KIF5C: variants seen among roughly 807,000 people sequenced by gnomAD.
The protein encoded by KIF5C is kinesin heavy chain isoform 5C.
In KIF5C, 18 loss-of-function variants were observed where a neutral mutation model predicts 125.2. The observed-to-expected ratio is 0.14, with a 90% CI of 0.10 to 0.21. KIF5C has a LOEUF of 0.21. KIF5C is among the 10% of genes least tolerant of loss of function. The pLI is 1.00. For missense variants in KIF5C, 780 were observed against 1,183.8 expected, an observed-to-expected ratio of 0.66 and a Z score of 5.01; for synonymous variants, 405 against 434.0, an observed-to-expected ratio of 0.93 and a Z score of 0.83.
chr2:148,877,781 CT>C (rs1263535816), intron 1 of KIF5C: 22 of 148,738 alleles, frequency 1.5e-4, no homozygotes, highest in African/African-American at 5.4e-4. Flanking sequence ...TCCTCCTCTT[CT>C]TCTTCCAGAA....
chr2:148,983,859 G>C (rs1681303906), intron 15 of KIF5C, 93 bp downstream of exon 15: 1 of 1,346,588 alleles, frequency 7.4e-7, no homozygotes, highest in African/African-American at 1.5e-5. Context: ...GCTTAGCACT[G>C]TGCTTTGCAT....
Position 148,998,431 on chromosome 2 carries a change from G to A in KIF5C, c.2132G>A (p.Arg711Gln). The change falls in exon 19 of 26, where the codon CGG (arginine) becomes CAG (glutamine). Residue 711 changes from arginine to glutamine, a missense_variant. This residue lies in a region of KIF5C where 573 missense variants were observed against 742.6 expected (regional missense o/e 0.77). Coordinates refer to ENST00000435030, the MANE Select transcript of KIF5C (RefSeq NM_004522.3). Reference sequence around the variant, plus strand: ...CTGGAGCAGCAGATGGAGAGCCACCGGGAAGCTCACCAGAAGCAGCTGTCC... The same window carrying A: ...CTGGAGCAGCAGATGGAGAGCCACCAGGAAGCTCACCAGAAGCAGCTGTCC... ...KALEQQMESH[R>Q]EAHQKQLSRL... is the part of the protein sequence containing the mutation. The A allele has an allele frequency of 1.3e-6, 2 of 1,567,024 alleles. No homozygotes were observed. Among genetic ancestry groups the A allele is most frequent in the Non-Finnish European group, 1.7e-6 (2 of 1,155,714 alleles).
intron 10 of KIF5C, among the ~76,000 whole-genome samples, chr2:148,959,033 T>C (rs923572244): frequency 6.6e-6 from 1 of 152,124 alleles, no homozygotes; most frequent in Non-Finnish European, 1.5e-5. Flanking sequence ...TACTGTCCTA[T>C]ATTTTCTGTG....
At chr2:149,016,350 G>A (rs547938881) in intron 25 of KIF5C, among the ~76,000 whole-genome samples, 2 of 149,864 alleles carry the variant, frequency 1.3e-5, no homozygotes, top group East Asian at 2.0e-4. Flanking sequence ...AATGGGGTAA[G>A]CACTGGGGGT....
chr2:148,938,074 C>T (rs762095097), intron 4 of KIF5C, among the ~76,000 whole-genome samples: 7 of 152,144 alleles, frequency 4.6e-5, no homozygotes, highest in Non-Finnish European at 8.8e-5. Flanking sequence ...GATTTCTACT[C>T]TCTTACTGTA....
chr2:149,024,721 G>A lies in KIF5C; in HGVS notation c.*1651G>A, dbSNP rs1326160740. On this transcript the variant is annotated 3_prime_UTR_variant, in exon 26 of 26. Transcript: ENST00000435030. The stretch of plus-strand genomic sequence containing the variant: ...GGTGGGGAATAAGGAGAGAGAGGAC[G>A]ACAAATTCTATTGAAGTATTTATTT... The A allele has an allele frequency of 6.6e-6, 1 of 152,272 alleles. No homozygotes were observed. The highest frequency in any genetic ancestry group is 2.4e-5 in the African/African-American group (1 of 41,334). 9.4% of individuals were successfully genotyped at this position (152,272 alleles called of 1,614,324 possible).
intron 1 of KIF5C, among the ~76,000 whole-genome samples, chr2:148,877,657 A>G (rs1185830450): frequency 6.6e-6 from 1 of 152,282 alleles, no homozygotes; most frequent in Middle Eastern, 3.4e-3. Flanking sequence ...GCAGTACTGG[A>G]ACATGTTCTG....
At chr2:149,009,859 G>A (rs1047648490) in intron 23 of KIF5C, among the ~76,000 whole-genome samples, 1 of 152,300 alleles carries the variant, frequency 6.6e-6, no homozygotes, top group East Asian at 1.9e-4. Flanking sequence ...AAACAGAAGA[G>A]GAGGTAAATC....
At chr2:148,902,888 T>C (rs1466459638) in intron 1 of KIF5C, among the ~76,000 whole-genome samples, 2 of 152,222 alleles carry the variant, frequency 1.3e-5, no homozygotes, top group Non-Finnish European at 2.9e-5. Flanking sequence ...CTAAGTAAAA[T>C]AATTCTTGGC....
intron 10 of KIF5C, among the ~76,000 whole-genome samples, chr2:148,960,540 C>T (rs959563254): frequency 1.3e-5 from 2 of 152,178 alleles, no homozygotes; most frequent in African/African-American, 2.4e-5. Flanking sequence ...ACTCAAAGCA[C>T]TTCTAGGGAT....
At chr2:148,925,117 G>A (rs910031894) in intron 2 of KIF5C, among the ~76,000 whole-genome samples, 1 of 152,166 alleles carries the variant, frequency 6.6e-6, no homozygotes, top group Non-Finnish European at 1.5e-5. Flanking sequence ...AATTAAAGAA[G>A]GTTTCTCTGA....
rs191081517 is a variant in KIF5C at position 148,993,525 on chromosome 2, A to G, written c.1906-896A>G. 8.3e-4 allele frequency among the ~76,000 whole-genome samples: 126 copies of G among 152,302 alleles called. 2 individuals carry two copies. Among genetic ancestry groups the G allele is most frequent in the South Asian group, 4.4e-3 (21 of 4,824 alleles). On this transcript the variant is annotated intron_variant, in intron 16 of 25. Coordinates refer to ENST00000435030, the MANE Select transcript of KIF5C (RefSeq NM_004522.3). ...ATCTGACACAGTCTTTCCAGCTGAAATGCTATCTTCTTTGTTTACATTCAT... is the reference window on the plus strand; with the variant it reads ...ATCTGACACAGTCTTTCCAGCTGAAGTGCTATCTTCTTTGTTTACATTCAT...
intron 22 of KIF5C, 130 bp from the exon 23 acceptor site, chr2:149,007,833 A>G: frequency 9.1e-7 from 1 of 1,096,202 alleles, no homozygotes; most frequent in Non-Finnish European, 1.2e-6. Context: ...CTAAACTTTT[A>G]GAACCTCTAT....
rs544147023 is a variant in KIF5C, at chr2:148,882,159, C to T, written c.126+6416C>T. Among the ~76,000 whole-genome samples, 8 of 152,240 alleles carry T rather than the reference C, an allele frequency of 5.3e-5. No individual in the cohort carries two copies. The South Asian group carries it at 1.5e-3, about 28-fold the overall frequency. ...ATTCACCGTGGCGTCTTCACAGCACCGAACCTGAGGGTGAGTCAGATAGCC... is the reference window on the plus strand; with the variant it reads ...ATTCACCGTGGCGTCTTCACAGCACTGAACCTGAGGGTGAGTCAGATAGCC... On this transcript the variant is annotated intron_variant, in intron 1 of 25. Coordinates refer to ENST00000435030, the MANE Select transcript of KIF5C (RefSeq NM_004522.3).
chr2:148,976,025 G>A (rs961284317), intron 12 of KIF5C, among the ~76,000 whole-genome samples: 68 of 152,258 alleles, frequency 4.5e-4, no homozygotes, highest in African/African-American at 1.6e-3. Flanking sequence ...TGAACAAGTT[G>A]GCGCTGGCAC....
At chr2:148,997,130 C>A in intron 17 of KIF5C, 134 bp from the exon 18 acceptor site, 1 of 1,393,872 alleles carries the variant, frequency 7.2e-7, no homozygotes, top group Non-Finnish European at 9.6e-7. Flanking sequence ...TCCTTTATGC[C>A]ATGGTTGTAA....
At chr2:148,882,192 A>C (rs1558870078) in intron 1 of KIF5C, among the ~76,000 whole-genome samples, 1 of 151,970 alleles carries the variant, frequency 6.6e-6, no homozygotes, top group Non-Finnish European at 1.5e-5. Context: ...GCCAGGATGA[A>C]CTCTGAGCTC....
intron 8 of KIF5C, among the ~76,000 whole-genome samples, chr2:148,949,552 C>T (rs1682608045): frequency 6.6e-6 from 1 of 152,190 alleles, no homozygotes; most frequent in Admixed American, 6.5e-5. Flanking sequence ...CTTCTGGAGC[C>T]TGGTTTCCCT....
intron 1 of KIF5C, among the ~76,000 whole-genome samples, chr2:148,887,544 C>T (rs1681574058): frequency 6.6e-6 from 1 of 152,024 alleles, no homozygotes; most frequent in Non-Finnish European, 1.5e-5. Flanking sequence ...TGCCCAAAGA[C>T]AAGTGGAAAG....
Sources: allele counts gnomAD v4.1 joint callset (sites outside exome capture counted in the v4.1 genomes callset), GRCh38; gene constraint gnomAD v4.1.1; regional missense constraint gnomAD v4.1.1; transcripts MANE v1.5; gene names NCBI Gene and HGNC (gene_info 2026-07-23, HGNC 2026-07-21).